Variants in AAK1 observed in about 807,000 individuals in gnomAD.
The protein encoded by AAK1 is AP2 associated kinase 1.
A neutral mutation model predicts 116.0 loss-of-function variants in AAK1; 37 were observed. The observed-to-expected ratio is 0.32, with a 90% confidence interval of 0.25 to 0.42. AAK1 has a LOEUF of 0.42. Ranked by LOEUF, AAK1 falls within the 10% of genes least tolerant of loss-of-function variation. The pLI is 1.00. For missense variants in AAK1, 919 were observed against 1,170.6 expected, an observed-to-expected ratio of 0.79 and a Z score of 3.14; for synonymous variants, 458 against 439.9, an observed-to-expected ratio of 1.04 and a Z score of -0.51.
chr2:69,575,159 A>C (rs910912129), intron 2 of AAK1, among the ~76,000 whole-genome samples: 2 of 152,020 alleles, frequency 1.3e-5, no homozygotes, highest in Non-Finnish European at 2.9e-5. Flanking sequence ...ATGAAAATAC[A>C]TTTTTGGTTG....
rs1674316084 is a variant in AAK1, at chr2:69,460,619, C to A, written c.*15250G>T. On this transcript the variant is annotated 3_prime_UTR_variant, in exon 22 of 22. Transcript: ENST00000409085. ...AGCCTCTAAACACATACACTCTAGT[C>A]TACAAATATGAGACTTTTCAACTCA... The A allele has an allele frequency of 6.6e-6, 1 of 152,178 alleles. No homozygotes were observed. The highest frequency in any genetic ancestry group is 2.1e-4 in the South Asian group (1 of 4,832). The allele number at this position is 152,178 out of a possible 1,614,324, so 9.4% of individuals were successfully genotyped here.
At chr2:69,560,314 C>T (rs1307460867) in intron 2 of AAK1, among the ~76,000 whole-genome samples, 2 of 152,178 alleles carry the variant, frequency 1.3e-5, no homozygotes, top group African/African-American at 4.8e-5. Flanking sequence ...GATTCTCAGC[C>T]AGAGCTTAAG....
At position 69,471,743 on chromosome 2, in the gene AAK1, A is replaced by C. The variant is rs1213341870; in HGVS notation, c.*4126T>G. The C allele has an allele frequency of 1.0e-6, 1 of 985,334 alleles. No homozygotes were observed. The highest frequency in any genetic ancestry group is 1.2e-6 in the Non-Finnish European group (1 of 829,950). The allele number at this position is 985,334 out of a possible 1,614,324, so 61.0% of individuals were successfully genotyped here. On this transcript the variant is annotated 3_prime_UTR_variant, in exon 22 of 22. Coordinates refer to ENST00000409085, the MANE Select transcript of AAK1 (RefSeq NM_014911.5). ...CATGTATTTATTTAGCTGAGTGCAGATCCCTCCACATCATAGGCTGTCAGC... is the reference window on the plus strand; with the variant it reads ...CATGTATTTATTTAGCTGAGTGCAGCTCCCTCCACATCATAGGCTGTCAGC...
At position 69,502,987 on chromosome 2, in the gene AAK1, T is replaced by G. The variant is rs573013709; in HGVS notation, c.2269+2582A>C. Among the ~76,000 whole-genome samples, 3 of 152,322 alleles carry G rather than the reference T, an allele frequency of 2.0e-5. No individual in the cohort carries two copies. In the South Asian group the frequency reaches 6.2e-4, roughly 32 times the overall value. On this transcript the variant is annotated intron_variant, in intron 16 of 21. Coordinates refer to ENST00000409085, the MANE Select transcript of AAK1 (RefSeq NM_014911.5). ...GAACAATCATATTGTAGATTAATAT[T>G]TATTGACGTGGAAACTGCTAATTTC...
At chr2:69,489,346 G>C (rs889402116) in intron 17 of AAK1, among the ~76,000 whole-genome samples, 1 of 151,956 alleles carries the variant, frequency 6.6e-6, no homozygotes, top group African/African-American at 2.4e-5. Flanking sequence ...AGCTACTCGG[G>C]GGGCTGAGGC....
At chr2:69,571,840 GAT>G (rs1471928368) in intron 2 of AAK1, among the ~76,000 whole-genome samples, 1 of 152,190 alleles carries the variant, frequency 6.6e-6, no homozygotes, top group African/African-American at 2.4e-5. Context: ...TGAGCTGACG[GAT>G]CAGTGTTAGG....
chr2:69,530,769 G>C, intron 6 of AAK1, 63 bp from the exon 7 acceptor site: 2 of 1,304,356 alleles, frequency 1.5e-6, no homozygotes, highest in South Asian at 2.5e-5. Context: ...ACCAGGAGCA[G>C]CAGAAATACT....
In AAK1 at chr2:69,472,598, C is replaced by T; in HGVS notation, c.*3271G>A. The T allele has an allele frequency of 1.5e-5, 15 of 984,134 alleles. No homozygotes were observed. Among genetic ancestry groups the T allele is most frequent in the Non-Finnish European group, 1.8e-5 (15 of 828,856 alleles). The allele number at this position is 984,134 out of a possible 1,614,324, so 61.0% of individuals were successfully genotyped here. A position where few individuals can be genotyped will look rare whatever the true frequency, so the allele number is the denominator to read the frequency against. ...TCATACTTAGAAGTGTCCACTTAAG[C>T]CTTATCTCCTCTGAGGTATGTATTT... is the stretch of plus-strand genomic sequence containing the variant. On this transcript the variant is annotated 3_prime_UTR_variant, in exon 22 of 22. Coordinates refer to ENST00000409085, the MANE Select transcript of AAK1 (RefSeq NM_014911.5).
intron 2 of AAK1, chr2:69,594,998 T>C (rs1673203680): frequency 2.6e-6 from 2 of 775,320 alleles, no homozygotes; most frequent in Admixed American, 1.7e-5. Context: ...TGTCACTTTG[T>C]GGGGTTGGTG....
rs1286324989 is a variant in AAK1 at position 69,519,157 on chromosome 2, G to C, written c.1294C>G (p.Gln432Glu). The C allele has an allele frequency of 6.3e-7, 1 of 1,581,758 alleles. No individual in the cohort carries two copies. The highest frequency in any genetic ancestry group is 1.2e-5 in the South Asian group (1 of 86,288). The change falls in exon 12 of 22, where the codon CAG becomes GAG. Residue 432 changes from glutamine to glutamate, a missense_variant. Around this residue, in one of 4 missense-constraint regions of AAK1, gnomAD observed 214 missense variants for 210.6 expected, o/e 1.02. Coordinates refer to ENST00000409085, the MANE Select transcript of AAK1 (RefSeq NM_014911.5). ...APPSQPLPQT[Q>E]AKQPQAPPTP... ...GGAGGAGCCTGTGGCTGCTTGGCCT[G>C]AGTTTGCGGCAGAGGCTGGCTGGGT...
chr2:69,553,334 C>T (rs1019915509), intron 3 of AAK1, among the ~76,000 whole-genome samples: 1 of 150,908 alleles, frequency 6.6e-6, no homozygotes, highest in Non-Finnish European at 1.5e-5. Flanking sequence ...TATAGTAGAA[C>T]GGTGCTTTAA....
rs1160936687 is a variant in AAK1 at position 69,552,241 on chromosome 2, T to C, written c.282+4619A>G. ...TGGTATTGGTAGAAGGATAGGTACA[T>C]AGATTAATGGAAGGGAATAGAGAAT... On this transcript the variant is annotated intron_variant, in intron 3 of 21. Transcript: ENST00000409085. 2.0e-5 allele frequency among the ~76,000 whole-genome samples: 3 copies of C among 152,242 alleles called. No individual in the cohort carries two copies. The East Asian group carries it at 5.8e-4, about 29-fold the overall frequency.
chr2:69,531,921 A>G (rs1572930962), intron 6 of AAK1, 120 bp downstream of exon 6: 2 of 1,461,082 alleles, frequency 1.4e-6, no homozygotes, highest in Non-Finnish European at 1.9e-6. Flanking sequence ...TGATGCTCTG[A>G]GATGAAGGAC....
intron 2 of AAK1, among the ~76,000 whole-genome samples, chr2:69,615,548 G>A (rs1674287756): frequency 1.3e-5 from 2 of 152,070 alleles, no homozygotes; most frequent in Admixed American, 6.5e-5. Context: ...CTCGCTCCTG[G>A]GTCTTGCTTT....
At chr2:69,538,935 A>G (rs1245420744) in intron 5 of AAK1, among the ~76,000 whole-genome samples, 1 of 152,160 alleles carries the variant, frequency 6.6e-6, no homozygotes, top group African/African-American at 2.4e-5. Context: ...GAACATGGGA[A>G]TATTACTTTC....
chr2:69,607,281 G>A (rs572715003), intron 2 of AAK1, among the ~76,000 whole-genome samples: 6 of 151,934 alleles, frequency 3.9e-5, no homozygotes, highest in Admixed American at 2.0e-4. Context: ...AGGGAAGGAC[G>A]GGCAGGAGCA....
intron 2 of AAK1, among the ~76,000 whole-genome samples, chr2:69,600,639 A>C (rs751884416): frequency 5.3e-5 from 8 of 152,222 alleles, no homozygotes; most frequent in Admixed American, 1.3e-4. Context: ...CCTCCCGGTG[A>C]AGATGCTGTG....
chr2:69,541,397 A>AT (rs1485579498), intron 5 of AAK1, among the ~76,000 whole-genome samples: 1 of 151,642 alleles, frequency 6.6e-6, no homozygotes. Flanking sequence ...CACCCGGCTA[A>AT]TTTTTTGTAT....
chr2:69,586,928 G>C (rs1265547004), intron 2 of AAK1, among the ~76,000 whole-genome samples: 2 of 152,164 alleles, frequency 1.3e-5, no homozygotes, highest in Non-Finnish European at 2.9e-5. Context: ...TTAGCTGTGA[G>C]AACCAATGCA....
Sources: allele counts gnomAD v4.1 joint callset (sites outside exome capture counted in the v4.1 genomes callset), GRCh38; gene constraint gnomAD v4.1.1; regional missense constraint gnomAD v4.1.1; transcripts MANE v1.5; gene names NCBI Gene and HGNC (gene_info 2026-07-23, HGNC 2026-07-21).